The following TAOK1 variants were observed in gnomAD, a reference collection of about 807,000 sequenced individuals.
TAOK1 encodes the protein TAO kinase 1, also known as serine/threonine-protein kinase TAO1.
In TAOK1, 21 loss-of-function variants were observed where a neutral mutation model predicts 138.3. That is an observed-to-expected ratio of 0.15 (90% CI 0.11 to 0.22). The LOEUF is 0.22. TAOK1 is among the 10% of genes least tolerant of loss of function. The pLI is 1.00. For synonymous variants in TAOK1, 361 were observed against 398.4 expected (o/e 0.91, Z 1.12); for missense variants, 651 against 1,227.7 (o/e 0.53, Z 7.02).
intron 1 of TAOK1, among the ~76,000 whole-genome samples, chr17:29,436,371 T>C (rs1567717906): frequency 6.6e-6 from 1 of 152,160 alleles, no homozygotes. Flanking sequence ...GTCAGAAAGG[T>C]TGCTTCAGCT....
Position 29,467,165 on chromosome 17 carries a change from T to A in TAOK1, c.153T>A (p.Asn51Lys), listed in dbSNP as rs1287976071. Residue 51 changes from asparagine to lysine, a missense_variant, in exon 3 of 20, where the codon AAT becomes AAA. Asn to Lys is a moderately conservative substitution (Grantham distance 94). Around this residue, in one of 8 missense-constraint regions of TAOK1, gnomAD observed 116 missense variants for 213.9 expected, o/e 0.54. Coordinates refer to ENST00000261716, the MANE Select transcript of TAOK1 (RefSeq NM_020791.4). ...AVYFARDVRT[N>K]EVVAIKKMSY... ...TTTAGGCACGAGATGTGCGTACCAATGAAGTGGTGGCCATCAAGAAAATGT... is the reference window on the plus strand; with the variant it reads ...TTTAGGCACGAGATGTGCGTACCAAAGAAGTGGTGGCCATCAAGAAAATGT... 1.2e-6 allele frequency: 2 copies of A among 1,604,652 alleles called. No homozygotes were observed. The highest frequency in any genetic ancestry group is 1.7e-6 in the Non-Finnish European group (2 of 1,174,086).
At chr17:29,532,980 C>T (rs2032149122) in intron 18 of TAOK1, among the ~76,000 whole-genome samples, 1 of 49,898 alleles carries the variant, frequency 2.0e-5, no homozygotes, top group Non-Finnish European at 3.9e-5. Context: ...GGTGGCCGGG[C>T]AGGGGGCTGA....
At chr17:29,445,569 C>G (rs559539338) in intron 1 of TAOK1, among the ~76,000 whole-genome samples, 20 of 152,072 alleles carry the variant, frequency 1.3e-4, no homozygotes, top group Admixed American at 3.9e-4. Flanking sequence ...GATTTTCTGC[C>G]TCTGTTTATA....
intron 16 of TAOK1, among the ~76,000 whole-genome samples, chr17:29,521,692 C>T (rs966655770): frequency 6.6e-6 from 1 of 152,218 alleles, no homozygotes; most frequent in African/African-American, 2.4e-5. Flanking sequence ...ATGCCATTCT[C>T]CTGCCTCAGC....
chr17:29,501,525 T>G (rs1039945348), intron 12 of TAOK1, among the ~76,000 whole-genome samples: 19 of 152,314 alleles, frequency 1.2e-4, no homozygotes, highest in Non-Finnish European at 2.5e-4. Flanking sequence ...TATCAGTCCT[T>G]CAATTTTTTA....
chr17:29,519,750 A>G (rs1276451736), intron 16 of TAOK1, among the ~76,000 whole-genome samples: 4 of 152,226 alleles, frequency 2.6e-5, no homozygotes, highest in Non-Finnish European at 5.9e-5. Context: ...TAGTAAGAAT[A>G]TAAATTGATA....
At chr17:29,495,440 A>G (rs2031392956) in intron 10 of TAOK1, 120 bp from the exon 11 acceptor site, 16 of 740,050 alleles carry the variant, frequency 2.2e-5, no homozygotes. Context: ...ATTTAACAGA[A>G]TTATATAGCT....
intron 1 of TAOK1, among the ~76,000 whole-genome samples, chr17:29,432,158 T>C (rs1905860016): frequency 6.6e-6 from 1 of 152,238 alleles, no homozygotes; most frequent in Admixed American, 6.5e-5. Context: ...AACAGAGTTT[T>C]ACCCACATAT....
intron 10 of TAOK1, among the ~76,000 whole-genome samples, chr17:29,494,887 A>G (rs1321138133): frequency 4.6e-4 from 70 of 152,030 alleles, no homozygotes; most frequent in Admixed American, 4.6e-3. Flanking sequence ...GGGATGGCAG[A>G]ATATGTCTTT....
At chr17:29,498,596 G>C (rs1239149758) in intron 12 of TAOK1, 75 bp downstream of exon 12, 4 of 1,530,390 alleles carry the variant, frequency 2.6e-6, no homozygotes, top group Non-Finnish European at 2.7e-6. Flanking sequence ...TTAAGAGAAG[G>C]AAGAAGGAAG....
chr17:29,424,473 C>T (rs978489557), intron 1 of TAOK1, among the ~76,000 whole-genome samples: 7 of 149,138 alleles, frequency 4.7e-5, no homozygotes, highest in Admixed American at 3.4e-4. Flanking sequence ...AATAGAGACA[C>T]GGTAACATTT....
intron 2 of TAOK1, among the ~76,000 whole-genome samples, chr17:29,464,459 GAA>G (rs79830449): frequency 1.4e-5 from 2 of 141,602 alleles, no homozygotes; most frequent in African/African-American, 5.2e-5. Flanking sequence ...AAAAAAAAAA[GAA>G]AAAAAAAATG....
intron 13 of TAOK1, among the ~76,000 whole-genome samples, chr17:29,506,175 G>A (rs1274270924): frequency 6.6e-6 from 1 of 152,142 alleles, no homozygotes; most frequent in African/African-American, 2.4e-5. Context: ...CATGTTCATT[G>A]CAGCATTATT....
chr17:29,414,074 G>A (rs1161573278), intron 1 of TAOK1, among the ~76,000 whole-genome samples: 1 of 151,636 alleles, frequency 6.6e-6, no homozygotes, highest in Non-Finnish European at 1.5e-5. Context: ...TAGTAGAGAC[G>A]GGGTTTCACT....
chr17:29,430,315 A>G (rs1156343570), intron 1 of TAOK1, among the ~76,000 whole-genome samples: 1 of 152,198 alleles, frequency 6.6e-6, no homozygotes, highest in Non-Finnish European at 1.5e-5. Context: ...TGGCCACTTC[A>G]TGCTCACCTC....
intron 17 of TAOK1, among the ~76,000 whole-genome samples, chr17:29,523,437 G>T: frequency 6.6e-6 from 1 of 152,186 alleles, no homozygotes; most frequent in Non-Finnish European, 1.5e-5. Context: ...GCCCAGGCTG[G>T]AGTGCAGCGG....
rs541610329 is a variant in TAOK1, at chr17:29,506,860, A to G, written c.1339-1036A>G. 1.3e-4 allele frequency among the ~76,000 whole-genome samples: 20 copies of G among 152,320 alleles called. No homozygotes were observed. In the South Asian group the frequency reaches 2.5e-3, roughly 19 times the overall value. On this transcript the variant is annotated intron_variant, in intron 13 of 19. Transcript: ENST00000261716. ...ATGGAAAGAACACAAATGTCCATCA[A>G]TGGATGAGTGGATAAACAAATTGTG...
At chr17:29,447,363 C>T (rs891746253) in intron 1 of TAOK1, among the ~76,000 whole-genome samples, 4 of 152,142 alleles carry the variant, frequency 2.6e-5, no homozygotes, top group Admixed American at 6.6e-5. Context: ...GACAGGGTCT[C>T]GCTGTGTCAC....
chr17:29,534,729 C>T lies in TAOK1; in HGVS notation c.2544+429C>T, dbSNP rs140719425. 1.4e-3 allele frequency among the ~76,000 whole-genome samples: 209 copies of T among 152,314 alleles called. 1 individual carries two copies. Among genetic ancestry groups the T allele is most frequent in the African/African-American group, 4.9e-3 (204 of 41,562 alleles). ...GATCAGGAATATTACCTTACTCATA[C>T]ATCCTTGGCCTGGAGCTATACAGAT... On this transcript the variant is annotated intron_variant, in intron 19 of 19. Transcript: ENST00000261716.
Sources: gnomAD v4.1 joint callset for allele counts (sites outside exome capture counted in the v4.1 genomes callset) on GRCh38, gnomAD v4.1.1 for gene constraint, gnomAD v4.1.1 regional missense constraint, MANE v1.5 for transcripts, NCBI Gene and HGNC (gene_info 2026-07-23, HGNC 2026-07-21) for gene names.